SWT1: variants seen among roughly 807,000 people sequenced by gnomAD.
SWT1 encodes SWT1 RNA endoribonuclease homolog.
In SWT1, 33 loss-of-function variants were observed where a neutral mutation model predicts 107.3. That is an observed-to-expected ratio of 0.31 (90% CI 0.23 to 0.41). The LOEUF (loss-of-function observed/expected upper bound fraction) is 0.41, where lower values mean the gene tolerates loss of function less well. SWT1 is among the 10% of genes least tolerant of loss of function. SWT1 has a pLI of 1.00. For missense variants in SWT1, 898 were observed against 1,028.9 expected (o/e 0.87, Z 1.74); for synonymous variants, 345 against 348.3 (o/e 0.99, Z 0.11).
Position 185,174,636 on chromosome 1 carries a change from A to T in SWT1, c.489A>T (p.Lys163Asn), listed in dbSNP as rs747788287. 37 of 1,613,202 alleles carry T rather than the reference A, an allele frequency of 2.3e-5. No individual in the cohort carries two copies. The South Asian group carries it at 3.9e-4, about 17-fold the overall frequency. ...AGATTGCCAGTGATGTGAAACCTAA[A>T]GCCGAAGGCCAGGCAAGTGAAAATA... is the stretch of plus-strand genomic sequence containing the variant. ...SPKIASDVKP[K>N]AEGQASENKW... The change falls in exon 5 of 19, where the codon AAA becomes AAT. Residue 163 changes from lysine (K) to asparagine (N), a missense_variant. Around this residue, in one of 6 missense-constraint regions of SWT1, gnomAD observed 382 missense variants for 362.4 expected, o/e 1.05. Transcript: ENST00000367500.
intron 16 of SWT1, among the ~76,000 whole-genome samples, chr1:185,270,042 T>A (rs1036605092): frequency 6.6e-6 from 1 of 152,246 alleles, no homozygotes; most frequent in South Asian, 2.1e-4. Flanking sequence ...AATTGACATA[T>A]ACTGTATAGT....
chr1:185,206,705 A>C lies in SWT1; in HGVS notation c.1914A>C (p.Leu638Phe), dbSNP rs2295950. The change falls in exon 13 of 19, where the codon TTA becomes TTC. Residue 638 changes from leucine to phenylalanine, a missense_variant. By Grantham distance (22) the Leu-to-Phe change is conservative. Around this residue, in one of 6 missense-constraint regions of SWT1, gnomAD observed 382 missense variants for 460.0 expected, o/e 0.83. Coordinates refer to ENST00000367500, the MANE Select transcript of SWT1 (RefSeq NM_017673.7). The part of the protein sequence containing the change: ...FKKHWLAVFG[L>F]VMEKNLLLTI... ...AACATTGGTTGGCTGTATTTGGATT[A>C]GTTATGGAAAAGAACTTGCTTTTAA... is the stretch of plus-strand genomic sequence containing the variant. The C allele has an allele frequency of 5.0e-3, 8,109 of 1,608,274 alleles. 102 individuals carry two copies. In the East Asian group the frequency reaches 0.058, roughly 11 times the overall value.
chr1:185,160,972 T>C, intron 2 of SWT1, 47 bp downstream of exon 2: 1 of 1,412,114 alleles, frequency 7.1e-7, no homozygotes, highest in South Asian at 1.2e-5. Context: ...CAATTTATTT[T>C]TGCTTAATGA....
chr1:185,290,783 A>G lies in SWT1; in HGVS notation c.2683A>G (p.Met895Val), dbSNP rs200005543. 4.6e-5 allele frequency: 74 copies of G among 1,610,082 alleles called. No homozygotes were observed. In the Middle Eastern group the frequency reaches 5.0e-4, roughly 11 times the overall value. ...CAAAAACAGGGGATGGTGTGAAGAC[A>G]TGCTCAACTATAGGATATAAGTACT... Reference protein sequence around the residue: ...EAKNRGWCEDMLNYRI With the variant: ...EAKNRGWCEDVLNYRI Residue 895 changes from methionine to valine, a missense_variant, in exon 19 of 19, where the codon ATG becomes GTG. Physicochemically the swap from Met to Val is conservative, Grantham distance 21 (BLOSUM62 1). This residue lies in a region of SWT1 where 382 missense variants were observed against 460.0 expected (regional missense o/e 0.83). Coordinates refer to ENST00000367500, the MANE Select transcript of SWT1 (RefSeq NM_017673.7).
At chr1:185,172,323 T>C (rs1423781083) in intron 4 of SWT1, among the ~76,000 whole-genome samples, 5 of 152,242 alleles carry the variant, frequency 3.3e-5, no homozygotes, top group African/African-American at 1.2e-4. Flanking sequence ...GTTGAGACCA[T>C]ATTATATGTA....
At chr1:185,238,065 T>C (rs907135195) in intron 16 of SWT1, among the ~76,000 whole-genome samples, 1 of 151,828 alleles carries the variant, frequency 6.6e-6, no homozygotes, top group African/African-American at 2.4e-5. Context: ...CGGCTCACTG[T>C]AGCATCGAAT....
In SWT1 at chr1:185,177,016, A is replaced by G. The variant is rs10911688; in HGVS notation, c.966+1903A>G. ...AAAAAAAAAAAGACTATGGATTGCA[A>G]TGGTAAGATATTTCTTACGAAAAAT... is the stretch of plus-strand genomic sequence containing the variant. On this transcript the variant is annotated intron_variant, in intron 5 of 18. Coordinates refer to ENST00000367500, the MANE Select transcript of SWT1 (RefSeq NM_017673.7). 1,527 of 977,774 alleles carry G rather than the reference A, an allele frequency of 1.6e-3. 17 individuals are homozygous for G. In the African/African-American group the frequency reaches 0.025, roughly 16 times the overall value. The allele number at this position is 977,774 out of a possible 1,614,324, so 60.6% of individuals were successfully genotyped here.
intron 16 of SWT1, among the ~76,000 whole-genome samples, chr1:185,248,233 T>C (rs1661747640): frequency 6.6e-6 from 1 of 152,210 alleles, no homozygotes; most frequent in Non-Finnish European, 1.5e-5. Context: ...TACTCTTTCC[T>C]TACATGTTTA....
At chr1:185,239,379 G>A (rs1376532562) in intron 16 of SWT1, among the ~76,000 whole-genome samples, 1 of 152,070 alleles carries the variant, frequency 6.6e-6, no homozygotes, top group Non-Finnish European at 1.5e-5. Context: ...TGTTTAAAAT[G>A]TGTATTTCAG....
At chr1:185,223,585 T>G (rs756574717) in intron 15 of SWT1, among the ~76,000 whole-genome samples, 7 of 152,190 alleles carry the variant, frequency 4.6e-5, no homozygotes, top group Non-Finnish European at 8.8e-5. Flanking sequence ...GTCAAGCATT[T>G]TTTATATACC....
At chr1:185,243,591 A>C (rs777469426) in intron 16 of SWT1, among the ~76,000 whole-genome samples, 3 of 152,198 alleles carry the variant, frequency 2.0e-5, no homozygotes, top group Non-Finnish European at 4.4e-5. Flanking sequence ...GATGGTACTC[A>C]GTAAATACTT....
At chr1:185,177,852 A>T (rs1234974214) in intron 5 of SWT1, among the ~76,000 whole-genome samples, 1 of 152,216 alleles carries the variant, frequency 6.6e-6, no homozygotes, top group Non-Finnish European at 1.5e-5. Context: ...CTACTTTTAA[A>T]AACAGCATCA....
intron 14 of SWT1, among the ~76,000 whole-genome samples, chr1:185,216,517 C>A (rs916533648): frequency 6.6e-6 from 1 of 152,012 alleles, no homozygotes; most frequent in Non-Finnish European, 1.5e-5. Context: ...GAAATAAAAA[C>A]AATAATGTGT....
intron 15 of SWT1, among the ~76,000 whole-genome samples, chr1:185,229,146 G>A (rs1660313507): frequency 6.6e-6 from 1 of 152,120 alleles, no homozygotes; most frequent in African/African-American, 2.4e-5. Flanking sequence ...AGTGATGAGG[G>A]TGAGGCAGGA....
Position 185,272,096 on chromosome 1 carries a change from A to G in SWT1, c.2508+707A>G, listed in dbSNP as rs558931447. Among the ~76,000 whole-genome samples the G allele has an allele frequency of 2.9e-3, 441 of 152,320 alleles. 1 individual carries two copies. Among genetic ancestry groups the G allele is most frequent in the African/African-American group, 9.3e-3 (387 of 41,564 alleles). On this transcript the variant is annotated intron_variant, in intron 17 of 18. Transcript: ENST00000367500. ...TATTCCATCTCCCCATCCAACTTACATACCCAGAATACCTCACAAAGGAAG... is the reference window on the plus strand; with the variant it reads ...TATTCCATCTCCCCATCCAACTTACGTACCCAGAATACCTCACAAAGGAAG...
chr1:185,184,202 C>A, intron 7 of SWT1, 41 bp from the exon 8 acceptor site: 1 of 1,034,310 alleles, frequency 9.7e-7, no homozygotes, highest in South Asian at 1.5e-5. Flanking sequence ...TTATATAAGT[C>A]TGTTATCAAG....
intron 15 of SWT1, among the ~76,000 whole-genome samples, chr1:185,230,300 A>G (rs1019925284): frequency 6.6e-6 from 1 of 152,216 alleles, no homozygotes; most frequent in Non-Finnish European, 1.5e-5. Context: ...AACAACAGAA[A>G]TGTATTTGCT....
intron 6 of SWT1, among the ~76,000 whole-genome samples, chr1:185,181,701 A>C (rs1267640003): frequency 6.6e-6 from 1 of 152,248 alleles, no homozygotes; most frequent in African/African-American, 2.4e-5. Context: ...GTGAATTAAC[A>C]AACTGAGACC....
chr1:185,228,727 G>A (rs1660281725), intron 15 of SWT1, among the ~76,000 whole-genome samples: 1 of 152,126 alleles, frequency 6.6e-6, no homozygotes, highest in African/African-American at 2.4e-5. Context: ...ATAGTAACAC[G>A]GTTTTAGGGA....
Sources: gnomAD v4.1 joint callset for allele counts (sites outside exome capture counted in the v4.1 genomes callset) on GRCh38, gnomAD v4.1.1 for gene constraint, gnomAD v4.1.1 regional missense constraint, MANE v1.5 for transcripts, NCBI Gene and HGNC (gene_info 2026-07-23, HGNC 2026-07-21) for gene names.